CNBD1: variants seen among roughly 807,000 people sequenced by gnomAD.
CNBD1 encodes cyclic nucleotide-binding domain-containing protein 1.
CNBD1 carries 71 observed loss-of-function variants against 54.4 expected under a neutral mutation model. The ratio of observed to expected loss-of-function variants is 1.30; its 90% CI spans 1.08 to 1.59. CNBD1 has a LOEUF of 1.59. Among genes scored for constraint, CNBD1 ranks in the 40% most tolerant of loss-of-function variants. CNBD1 has a pLI of 0.00. For synonymous variants in CNBD1, 182 were observed against 170.7 expected, an observed-to-expected ratio of 1.07 and a Z score of -0.51; for missense variants, 659 against 518.0, an observed-to-expected ratio of 1.27 and a Z score of -2.64.
chr8:87,369,013 G>A (rs1041727537), intron 10 of CNBD1, among the ~76,000 whole-genome samples: 1 of 151,870 alleles, frequency 6.6e-6, no homozygotes, highest in African/African-American at 2.4e-5. Context: ...TCTGCCTCCA[G>A]GATCCATATT....
Position 87,193,940 on chromosome 8 carries a change from C to T in CNBD1, c.432-12053C>T, listed in dbSNP as rs907513780. Among the ~76,000 whole-genome samples, 3 of 152,122 alleles carry T rather than the reference C, an allele frequency of 2.0e-5. No homozygotes were observed. The East Asian group carries it at 5.8e-4, about 29-fold the overall frequency. ...TATATCCTAGTGCAGGGGTCCCTAA[C>T]CCTGGGCCATAGACTGATACAGTGT... On this transcript the variant is annotated intron_variant, in intron 4 of 10. Coordinates refer to ENST00000518476, the MANE Select transcript of CNBD1 (RefSeq NM_173538.3).
intron 10 of CNBD1, among the ~76,000 whole-genome samples, chr8:87,368,623 C>A (rs958139089): frequency 6.6e-6 from 1 of 151,660 alleles, no homozygotes; most frequent in Admixed American, 6.6e-5. Flanking sequence ...GGTGACAGAA[C>A]AAAAACCTAT....
intron 8 of CNBD1, among the ~76,000 whole-genome samples, chr8:87,308,162 G>A (rs750618881): frequency 6.6e-6 from 1 of 152,076 alleles, no homozygotes; most frequent in African/African-American, 2.4e-5. Context: ...CTGGAGTTGG[G>A]TTACATGCAC....
chr8:87,242,723 A>T (rs1807731227), intron 6 of CNBD1, among the ~76,000 whole-genome samples: 1 of 152,184 alleles, frequency 6.6e-6, no homozygotes, highest in Middle Eastern at 3.2e-3. Flanking sequence ...ACCTCTTGAG[A>T]CTTTGCCTTG....
intron 4 of CNBD1, among the ~76,000 whole-genome samples, chr8:87,108,887 A>G (rs1387219619): frequency 6.9e-6 from 1 of 144,506 alleles, no homozygotes; most frequent in Non-Finnish European, 1.5e-5. Flanking sequence ...TTATGGCCAA[A>G]CAACTCTCAT....
rs747644024 is a variant in CNBD1, at chr8:87,403,211, A to AC, written c.214-25332dup. 3.9e-5 allele frequency among the ~76,000 whole-genome samples: 6 copies of AC among 152,162 alleles called. No homozygotes were observed. In the East Asian group the frequency reaches 7.8e-4, roughly 20 times the overall value. On this transcript the variant is annotated intron_variant, in intron 2 of 7. Transcript: ENST00000521593. ...GTGCCTTTCAAAAATATAGTTTGAGACCCATTATTAAACACTTCTGCTGGT... is the reference window on the plus strand; with the variant it reads ...GTGCCTTTCAAAAATATAGTTTGAGACCCCATTATTAAACACTTCTGCTGGT...
chr8:87,247,274 T>A (rs1366779026), intron 6 of CNBD1, among the ~76,000 whole-genome samples: 1 of 152,286 alleles, frequency 6.6e-6, no homozygotes, highest in African/African-American at 2.4e-5. Flanking sequence ...GAGTTGCAGA[T>A]CCATTCCTTC....
chr8:87,148,211 T>C (rs1812529179), intron 4 of CNBD1, among the ~76,000 whole-genome samples: 1 of 152,192 alleles, frequency 6.6e-6, no homozygotes. Flanking sequence ...CTTGTCAGGA[T>C]TTAAAGTATT....
chr8:87,070,741 G>A (rs1453730237), intron 4 of CNBD1, among the ~76,000 whole-genome samples: 1 of 151,894 alleles, frequency 6.6e-6, no homozygotes, highest in Non-Finnish European at 1.5e-5. Context: ...ACAATCAAAG[G>A]TAATTACCTT....
At chr8:87,411,658 A>AT (rs71277944) in intron 2 of CNBD1, among the ~76,000 whole-genome samples, 39,263 of 144,104 alleles carry the variant, frequency 0.27, 6,065 homozygotes, top group Middle Eastern at 0.41. Context: ...GCTTTTTTAG[A>AT]TTTTTTTTTT....
intron 3 of CNBD1, among the ~76,000 whole-genome samples, chr8:86,907,683 A>G (rs1809038823): frequency 6.6e-6 from 1 of 151,764 alleles, no homozygotes; most frequent in Non-Finnish European, 1.5e-5. Context: ...AAACAAAAAC[A>G]AAAAAACAAA....
chr8:87,296,117 CAATTATAATACAAT>C (rs1463807555), intron 8 of CNBD1, among the ~76,000 whole-genome samples: 1 of 151,912 alleles, frequency 6.6e-6, no homozygotes, highest in East Asian at 1.9e-4. Flanking sequence ...TAAATAGGTA[CAATTATAATACAAT>C]TTGATTTCTA....
intron 3 of CNBD1, among the ~76,000 whole-genome samples, chr8:86,931,803 G>C (rs538983570): frequency 9.2e-5 from 14 of 152,346 alleles, no homozygotes; most frequent in African/African-American, 3.1e-4. Context: ...CCTCAAGGGA[G>C]TCAGGTTACA....
At chr8:87,103,907 G>A (rs1412978142) in intron 4 of CNBD1, among the ~76,000 whole-genome samples, 1 of 152,234 alleles carries the variant, frequency 6.6e-6, no homozygotes, top group Non-Finnish European at 1.5e-5. Flanking sequence ...TCTGCTGAGA[G>A]TAAGAGGAAA....
intron 6 of CNBD1, among the ~76,000 whole-genome samples, chr8:87,277,301 T>C (rs1048700190): frequency 2.0e-5 from 3 of 151,682 alleles, no homozygotes; most frequent in Non-Finnish European, 4.4e-5. Context: ...CCTTTTATGC[T>C]ATACAGGCCT....
intron 4 of CNBD1, among the ~76,000 whole-genome samples, chr8:87,168,300 G>T (rs2130765879): frequency 6.6e-6 from 1 of 151,790 alleles, no homozygotes; most frequent in Non-Finnish European, 1.5e-5. Context: ...TTATTTTATG[G>T]GTTCATAGTA....
intron 6 of CNBD1, among the ~76,000 whole-genome samples, chr8:87,276,896 GA>G (rs1808492031): frequency 6.6e-6 from 1 of 151,592 alleles, no homozygotes; most frequent in African/African-American, 2.4e-5. Flanking sequence ...CCATGAATCT[GA>G]GTTTAGTCTA....
At chr8:87,102,373 C>T (rs930662017) in intron 4 of CNBD1, among the ~76,000 whole-genome samples, 7 of 152,094 alleles carry the variant, frequency 4.6e-5, no homozygotes, top group East Asian at 3.9e-4. Flanking sequence ...GGCGAGAATT[C>T]GTATGAATTC....
intron 4 of CNBD1, among the ~76,000 whole-genome samples, chr8:87,039,597 C>A (rs1810022256): frequency 6.6e-6 from 1 of 152,140 alleles, no homozygotes; most frequent in Non-Finnish European, 1.5e-5. Flanking sequence ...TTCACCTTGC[C>A]AGCTGCCTAG....
Sources: gnomAD v4.1 joint callset for allele counts (sites outside exome capture counted in the v4.1 genomes callset) on GRCh38, gnomAD v4.1.1 for gene constraint, MANE v1.5 for transcripts, NCBI Gene and HGNC (gene_info 2026-07-23, HGNC 2026-07-21) for gene names.